CAPZB: variants seen among roughly 807,000 people sequenced by gnomAD.
CAPZB encodes capping actin protein of muscle Z-line subunit beta, also known as F-actin-capping protein subunit beta.
In CAPZB, 2 loss-of-function variants were observed where a neutral mutation model predicts 38.1. That is an observed-to-expected ratio of 0.05 (90% CI 0.02 to 0.17). The LOEUF (loss-of-function observed/expected upper bound fraction) is 0.17. CAPZB is among the 10% of genes least tolerant of loss of function. The pLI is 1.00. For missense variants in CAPZB, 161 were observed against 334.2 expected, an observed-to-expected ratio of 0.48 and a Z score of 4.04; for synonymous variants, 107 against 127.4, an observed-to-expected ratio of 0.84 and a Z score of 1.08.
chr1:19,381,658 T>G (rs529037241), intron 3 of CAPZB, among the ~76,000 whole-genome samples: 1 of 150,042 alleles, frequency 6.7e-6, no homozygotes, highest in Non-Finnish European at 1.5e-5. Context: ...TACAGGACCA[T>G]AGGCATGTAC....
intron 1 of CAPZB, chr1:19,484,481 G>A (rs35224350): frequency 2.1e-6 from 3 of 1,432,092 alleles, no homozygotes; most frequent in East Asian, 5.5e-5. Context: ...GCCTCGAGAA[G>A]GGCCCGCAGA....
intron 2 of CAPZB, among the ~76,000 whole-genome samples, chr1:19,412,768 G>A (rs535050262): frequency 2.6e-5 from 4 of 152,280 alleles, no homozygotes; most frequent in East Asian, 1.9e-4. Flanking sequence ...AAAAGGTGGC[G>A]AGCAATGGCT....
chr1:19,483,388 A>T (rs772801069), intron 1 of CAPZB, among the ~76,000 whole-genome samples: 4 of 152,212 alleles, frequency 2.6e-5, no homozygotes, highest in Non-Finnish European at 4.4e-5. Context: ...CACCCTGAAT[A>T]AGTCACTCCA....
intron 1 of CAPZB, among the ~76,000 whole-genome samples, chr1:19,446,531 T>C (rs1485185522): frequency 6.6e-6 from 1 of 152,038 alleles, no homozygotes; most frequent in Admixed American, 6.5e-5. Flanking sequence ...GTCAAAAGCG[T>C]TTAAAATATT....
intron 2 of CAPZB, among the ~76,000 whole-genome samples, chr1:19,410,569 C>T (rs994446398): frequency 1.8e-4 from 27 of 152,128 alleles, no homozygotes; most frequent in Middle Eastern, 3.2e-3. Context: ...ACAGCCCAGC[C>T]GGTTGAAGGG....
intron 6 of CAPZB, among the ~76,000 whole-genome samples, chr1:19,345,721 G>T (rs550129136): frequency 1.8e-4 from 28 of 152,266 alleles, no homozygotes; most frequent in Non-Finnish European, 3.4e-4. Context: ...TGGCTTTGGG[G>T]TGCCATCTGC....
At chr1:19,380,941 G>A (rs1426989571) in intron 3 of CAPZB, among the ~76,000 whole-genome samples, 2 of 152,200 alleles carry the variant, frequency 1.3e-5, no homozygotes, top group East Asian at 1.9e-4. Flanking sequence ...AGGCCGAGGC[G>A]GGAGGATCAC....
intron 4 of CAPZB, among the ~76,000 whole-genome samples, chr1:19,359,358 G>A (rs910185629): frequency 6.6e-6 from 1 of 152,180 alleles, no homozygotes; most frequent in African/African-American, 2.4e-5. Context: ...ATCCTCCCAG[G>A]AGAATGAGGG....
chr1:19,421,635 A>G (rs1263371688), intron 1 of CAPZB, among the ~76,000 whole-genome samples: 2 of 152,246 alleles, frequency 1.3e-5, no homozygotes, highest in African/African-American at 2.4e-5. Flanking sequence ...GCATGAGAGG[A>G]AATTTTAACA....
chr1:19,479,595 T>C (rs1356355543), intron 1 of CAPZB, among the ~76,000 whole-genome samples: 8 of 152,146 alleles, frequency 5.3e-5, no homozygotes, highest in African/African-American at 1.9e-4. Flanking sequence ...CTTTATCTCC[T>C]TCCACCATCC....
chr1:19,445,707 G>A (rs1277105660), intron 1 of CAPZB, among the ~76,000 whole-genome samples: 1 of 152,246 alleles, frequency 6.6e-6, no homozygotes, highest in Non-Finnish European at 1.5e-5. Context: ...GAGTGGGCAT[G>A]AAGAATAACT....
At chr1:19,346,691 G>T (rs930259803) in intron 6 of CAPZB, among the ~76,000 whole-genome samples, 1 of 152,194 alleles carries the variant, frequency 6.6e-6, no homozygotes, top group East Asian at 1.9e-4. Flanking sequence ...CTGGTTAAGA[G>T]CGGGGTGAGC....
intron 4 of CAPZB, among the ~76,000 whole-genome samples, chr1:19,358,756 T>G (rs1293320289): frequency 6.6e-6 from 1 of 152,238 alleles, no homozygotes; most frequent in African/African-American, 2.4e-5. Context: ...TGAGCACATC[T>G]TTATCAGAAA....
chr1:19,352,966 G>A (rs774813481), intron 6 of CAPZB, among the ~76,000 whole-genome samples: 1 of 152,230 alleles, frequency 6.6e-6, no homozygotes, highest in African/African-American at 2.4e-5. Flanking sequence ...TGGGCACAGG[G>A]CATAGCCTGA....
chr1:19,439,006 C>T (rs1265700312), intron 1 of CAPZB, among the ~76,000 whole-genome samples: 3 of 152,212 alleles, frequency 2.0e-5, no homozygotes, highest in Non-Finnish European at 1.5e-5. Context: ...ACCAGATTCC[C>T]TCATCAGTTG....
chr1:19,444,777 C>T (rs2094490672), intron 1 of CAPZB, among the ~76,000 whole-genome samples: 1 of 152,182 alleles, frequency 6.6e-6, no homozygotes, highest in Admixed American at 6.5e-5. Context: ...GAATCTCACT[C>T]TGTTGCCCAG....
chr1:19,447,272 C>CTTATTTTT (rs2094499330), intron 1 of CAPZB, among the ~76,000 whole-genome samples: 1 of 74,876 alleles, frequency 1.3e-5, no homozygotes, highest in Non-Finnish European at 2.4e-5. Context: ...CAGACCTAAT[C>CTTATTTTT]TTTTTTTTTT....
intron 1 of CAPZB, among the ~76,000 whole-genome samples, chr1:19,481,176 G>A (rs2094627214): frequency 6.6e-6 from 1 of 152,218 alleles, no homozygotes; most frequent in African/African-American, 2.4e-5. Context: ...CTAACAGAGT[G>A]CATAGCATGT....
At position 19,419,371 on chromosome 1, in the gene CAPZB, C is replaced by A. The variant is rs114037316; in HGVS notation, c.93+290G>T. 4.6e-3 allele frequency among the ~76,000 whole-genome samples: 693 copies of A among 152,300 alleles called. 6 individuals are homozygous for A. Among genetic ancestry groups the A allele is most frequent in the African/African-American group, 0.016 (652 of 41,554 alleles). The stretch of plus-strand genomic sequence containing the variant: ...GGGTATGGCCTCTTCCTCACCACGT[C>A]TAAATGCAAGCTTCTAGAAACTGAA... On this transcript the variant is annotated intron_variant, in intron 2 of 8. Transcript: ENST00000264202.
Sources: allele counts gnomAD v4.1 joint callset (sites outside exome capture counted in the v4.1 genomes callset), GRCh38; gene constraint gnomAD v4.1.1; transcripts MANE v1.5; gene names NCBI Gene and HGNC (gene_info 2026-07-23, HGNC 2026-07-21).